TMEM232: variants seen among roughly 807,000 people sequenced by gnomAD.
TMEM232 encodes the protein transmembrane protein 232.
Under a neutral mutation model 78.8 loss-of-function variants are expected in TMEM232, and 80 were observed. The ratio of observed to expected loss-of-function variants is 1.01; its 90% CI spans 0.85 to 1.22. TMEM232 has a LOEUF of 1.22. Among genes scored for constraint, TMEM232 ranks in the 50% most tolerant of loss-of-function variants. The pLI is 0.00. For synonymous variants in TMEM232, 297 were observed against 254.3 expected (o/e 1.17, Z -1.60); for missense variants, 881 against 742.2 (o/e 1.19, Z -2.17).
chr5:110,495,192 G>T (rs12187577), intron 12 of TMEM232, among the ~76,000 whole-genome samples: 10,444 of 151,558 alleles, frequency 0.069, 471 homozygotes, highest in Admixed American at 0.12. Context: ...GCAAATAAAA[G>T]GAGAGATCTG....
At chr5:110,705,595 C>A (rs926119629) in intron 1 of TMEM232, among the ~76,000 whole-genome samples, 1 of 150,178 alleles carries the variant, frequency 6.7e-6, no homozygotes, top group South Asian at 2.1e-4. Context: ...ACATGACCAA[C>A]CATTTTGGAT....
At chr5:110,630,936 G>A (rs982684233) in intron 5 of TMEM232, among the ~76,000 whole-genome samples, 53 of 152,202 alleles carry the variant, frequency 3.5e-4, no homozygotes, top group African/African-American at 1.2e-3. Context: ...AGAGACCCCT[G>A]AAGGACATTG....
intron 7 of TMEM232, among the ~76,000 whole-genome samples, chr5:110,620,917 T>C (rs111597967): frequency 0.2 from 29,048 of 141,878 alleles, 4,523 homozygotes; most frequent in African/African-American, 0.45. Context: ...GGCTGGAGTG[T>C]GATGGCGTGA....
rs183933696 is a variant in TMEM232, at chr5:110,522,566, T to C, written c.1703+6022A>G. Among the ~76,000 whole-genome samples the C allele has an allele frequency of 6.6e-5, 10 of 152,314 alleles. No individual in the cohort carries two copies. The East Asian group carries it at 1.9e-3, about 29-fold the overall frequency. On this transcript the variant is annotated intron_variant, in intron 12 of 13. Transcript: ENST00000455884. ...GTGGACTTTACATATATGGCCTTTATTATGTCGAGGTATATTCCTTTTATT... is the reference window on the plus strand; with the variant it reads ...GTGGACTTTACATATATGGCCTTTACTATGTCGAGGTATATTCCTTTTATT...
chr5:110,724,813 T>C (rs1464380314), intron 1 of TMEM232, among the ~76,000 whole-genome samples: 2 of 151,052 alleles, frequency 1.3e-5, no homozygotes, highest in Non-Finnish European at 2.9e-5. Flanking sequence ...CAGATAGGTA[T>C]AGAGCACCTG....
At chr5:110,696,507 C>T (rs1175103074) in intron 1 of TMEM232, among the ~76,000 whole-genome samples, 1 of 152,156 alleles carries the variant, frequency 6.6e-6, no homozygotes, top group Non-Finnish European at 1.5e-5. Flanking sequence ...AAAAGGAAGT[C>T]AAATTGTCCC....
chr5:110,588,134 T>C (rs138584173), intron 10 of TMEM232, among the ~76,000 whole-genome samples: 1 of 152,192 alleles, frequency 6.6e-6, no homozygotes, highest in Non-Finnish European at 1.5e-5. Context: ...TAAAAAGAAA[T>C]TATTGCTCTG....
intron 12 of TMEM232, among the ~76,000 whole-genome samples, chr5:110,454,028 C>T (rs1242603985): frequency 6.6e-6 from 1 of 152,042 alleles, no homozygotes; most frequent in Non-Finnish European, 1.5e-5. Context: ...AATAATGTAA[C>T]TGAATAAAGA....
intron 1 of TMEM232, among the ~76,000 whole-genome samples, chr5:110,679,418 G>A (rs562684463): frequency 1.3e-5 from 2 of 152,006 alleles, no homozygotes; most frequent in Non-Finnish European, 2.9e-5. Context: ...TGTATATTCT[G>A]AATAACATCT....
intron 11 of TMEM232, among the ~76,000 whole-genome samples, chr5:110,543,490 T>C (rs1773416020): frequency 6.6e-6 from 1 of 152,170 alleles, no homozygotes; most frequent in Non-Finnish European, 1.5e-5. Context: ...TGAAATCAAG[T>C]GTGTCTCTAC....
chr5:110,569,264 G>C (rs1344640825), intron 10 of TMEM232, among the ~76,000 whole-genome samples: 1 of 151,802 alleles, frequency 6.6e-6, no homozygotes, highest in East Asian at 1.9e-4. Context: ...ACATTACCAA[G>C]TTCCACTTTC....
intron 2 of TMEM232, among the ~76,000 whole-genome samples, chr5:110,401,680 C>T (rs970316090): frequency 2.0e-5 from 3 of 152,196 alleles, no homozygotes; most frequent in Admixed American, 1.3e-4. Context: ...AGCCCAGCTT[C>T]TCATGTAGGT....
intron 1 of TMEM232, among the ~76,000 whole-genome samples, chr5:110,704,929 G>A (rs900253651): frequency 2.6e-5 from 4 of 152,016 alleles, no homozygotes; most frequent in African/African-American, 9.7e-5. Context: ...GGGGGTCAGG[G>A]ACCTTATTTT....
chr5:110,732,801 A>T (rs1798806015), intron 2 of TMEM232, among the ~76,000 whole-genome samples: 1 of 152,220 alleles, frequency 6.6e-6, no homozygotes, highest in African/African-American at 2.4e-5. Context: ...ACTGGGAATA[A>T]ATGGAACAGT....
chr5:110,622,183 T>C (rs1308803055), intron 7 of TMEM232, among the ~76,000 whole-genome samples: 2 of 152,184 alleles, frequency 1.3e-5, no homozygotes, highest in African/African-American at 4.8e-5. Flanking sequence ...TAATAATTCC[T>C]AGTAACCATT....
intron 8 of TMEM232, among the ~76,000 whole-genome samples, chr5:110,610,263 G>GGAGGAAGGGAGGAAGGGAGGAAGT (rs1782078518): frequency 6.7e-6 from 1 of 149,400 alleles, no homozygotes; most frequent in Non-Finnish European, 1.5e-5. Flanking sequence ...AGGGAGGAAG[G>GGAGGAAGGGAGGAAGGGAGGAAGT]GAGGAAGGTG....
chr5:110,495,265 G>A (rs907952755), intron 12 of TMEM232, among the ~76,000 whole-genome samples: 19 of 151,738 alleles, frequency 1.3e-4, no homozygotes, highest in African/African-American at 4.6e-4. Context: ...TATTCCAGTG[G>A]TTCTCAATCT....
At chr5:110,669,485 T>A (rs537061549) in intron 1 of TMEM232, among the ~76,000 whole-genome samples, 1 of 152,260 alleles carries the variant, frequency 6.6e-6, no homozygotes, top group South Asian at 2.1e-4. Flanking sequence ...GAGGCAATAA[T>A]TAATAGCTCA....
intron 8 of TMEM232, among the ~76,000 whole-genome samples, chr5:110,614,073 A>C (rs1030153050): frequency 6.6e-6 from 1 of 152,126 alleles, no homozygotes; most frequent in African/African-American, 2.4e-5. Context: ...AACAGAATCA[A>C]AACTATTTGG....
Sources: allele counts gnomAD v4.1 joint callset (sites outside exome capture counted in the v4.1 genomes callset), GRCh38; gene constraint gnomAD v4.1.1; transcripts MANE v1.5; gene names NCBI Gene and HGNC (gene_info 2026-07-23, HGNC 2026-07-21).